CAPN2: variants seen among roughly 807,000 people sequenced by gnomAD.
The protein encoded by CAPN2 is calpain 2, also known as calpain-2 catalytic subunit.
Under a neutral mutation model 102.3 loss-of-function variants are expected in CAPN2, and 92 were observed. The ratio of observed to expected loss-of-function variants is 0.90; its 90% CI spans 0.76 to 1.07. CAPN2 has a LOEUF of 1.07. Ranked by LOEUF, CAPN2 falls within the 50% of genes least tolerant of loss-of-function variation. The probability of loss-of-function intolerance (pLI) is 0.00; values close to 1 mark genes in which losing one functional copy is unlikely to be tolerated. For synonymous variants in CAPN2, 340 were observed against 355.4 expected (o/e 0.96, Z 0.49); for missense variants, 800 against 909.4 (o/e 0.88, Z 1.55).
chr1:223,743,407 C>T (rs980662365), intron 2 of CAPN2, among the ~76,000 whole-genome samples: 1 of 152,162 alleles, frequency 6.6e-6, no homozygotes, highest in Non-Finnish European at 1.5e-5. Context: ...CTCTGACCTT[C>T]CTCCTAGGAG....
At chr1:223,765,735 A>G (rs1661296731) in intron 15 of CAPN2, among the ~76,000 whole-genome samples, 1 of 152,186 alleles carries the variant, frequency 6.6e-6, no homozygotes, top group South Asian at 2.1e-4. Context: ...CCAGAGTGGC[A>G]GCTTTGAGGC....
chr1:223,729,847 G>A (rs1278789964), intron 2 of CAPN2, among the ~76,000 whole-genome samples: 1 of 151,864 alleles, frequency 6.6e-6, no homozygotes, highest in African/African-American at 2.4e-5. Flanking sequence ...TACTAAAAAT[G>A]CAAAAATTAA....
chr1:223,717,846 C>G lies in CAPN2; in HGVS notation c.307+15C>G, dbSNP rs374951874. The G allele has an allele frequency of 1.3e-5, 21 of 1,603,116 alleles. No homozygotes were observed. The African/African-American group carries it at 2.1e-4, about 16-fold the overall frequency. ...AGGAGCCCTGGGTAAGTGATAGATTCAGAGCAAGCTGGGGGATCTTGTCTG... is the reference window on the plus strand; with the variant it reads ...AGGAGCCCTGGGTAAGTGATAGATTGAGAGCAAGCTGGGGGATCTTGTCTG... On this transcript the variant is annotated intron_variant, in intron 2 of 20. Transcript: ENST00000295006.
chr1:223,770,554 C>A, intron 18 of CAPN2, 29 bp downstream of exon 18: 1 of 1,403,118 alleles, frequency 7.1e-7, no homozygotes, highest in African/African-American at 1.4e-5. Context: ...ATTTTCGTTC[C>A]TAGTTTAATC....
At chr1:223,768,474 C>T (rs2102815833) in intron 16 of CAPN2, among the ~76,000 whole-genome samples, 1 of 152,256 alleles carries the variant, frequency 6.6e-6, no homozygotes, top group African/African-American at 2.4e-5. Flanking sequence ...TTGTTTTTCT[C>T]AGGTTTATCA....
intron 2 of CAPN2, among the ~76,000 whole-genome samples, chr1:223,735,395 G>A (rs1391086162): frequency 3.3e-5 from 5 of 152,140 alleles, no homozygotes; most frequent in Admixed American, 1.3e-4. Flanking sequence ...GGGCATGGTG[G>A]TGGGCGCCTG....
Position 223,727,198 on chromosome 1 carries a change from G to A in CAPN2, c.307+9367G>A, listed in dbSNP as rs144282666. Among the ~76,000 whole-genome samples the A allele has an allele frequency of 2.2e-4, 33 of 152,326 alleles. No individual in the cohort carries two copies. Among genetic ancestry groups the A allele is most frequent in the African/African-American group, 5.3e-4 (22 of 41,568 alleles). On this transcript the variant is annotated intron_variant, in intron 2 of 20. Coordinates refer to ENST00000295006, the MANE Select transcript of CAPN2 (RefSeq NM_001748.5). The surrounding 1 kb of genome is among the most constrained non-coding windows in gnomAD (Gnocchi z 4.1). ...TCTTCAGTAGCTTGGTCTGTTTATCGTGTATCTAGCTGTCAGCATGCAAAA... is the reference window on the plus strand; with the variant it reads ...TCTTCAGTAGCTTGGTCTGTTTATCATGTATCTAGCTGTCAGCATGCAAAA...
chr1:223,714,783 A>G (rs1016713541), intron 1 of CAPN2, among the ~76,000 whole-genome samples: 1 of 152,174 alleles, frequency 6.6e-6, no homozygotes, highest in African/African-American at 2.4e-5. Context: ...GCTGGGCACA[A>G]TGCATATGGT....
At chr1:223,707,872 G>A (rs998872175), upstream of CAPN2, among the ~76,000 whole-genome samples, 1 of 152,216 alleles carries the variant, frequency 6.6e-6, no homozygotes, top group Non-Finnish European at 1.5e-5. Context: ...CCACCTGCCT[G>A]GGAGGAGTCA....
chr1:223,752,448 C>G (rs993546926), intron 8 of CAPN2, among the ~76,000 whole-genome samples: 1 of 152,234 alleles, frequency 6.6e-6, no homozygotes, highest in Non-Finnish European at 1.5e-5. Flanking sequence ...ACCCACATGT[C>G]TGTGTGTCTG....
At position 223,758,691 on chromosome 1, in the gene CAPN2, TTTTG is replaced by T. The variant is rs1449282812; in HGVS notation, c.1318-575_1318-572del. 6 of 152,390 alleles carry T rather than the reference TTTTG, an allele frequency of 3.9e-5. 1 individual carries two copies. Among genetic ancestry groups the T allele is most frequent in the South Asian group, 4.1e-4 (2 of 4,868 alleles). 9.4% of individuals were successfully genotyped at this position (152,390 alleles called of 1,614,324 possible). On this transcript the variant is annotated intron_variant, in intron 11 of 20. Transcript: ENST00000295006. ...TGTGTTTTTTGGTAGAAAGTTTGCT[TTTTG>T]TTTTTTTTTTTTTTAAGACAAGGTC...
At chr1:223,717,058 A>G (rs576769530) in intron 1 of CAPN2, among the ~76,000 whole-genome samples, 14 of 152,222 alleles carry the variant, frequency 9.2e-5, no homozygotes, top group Non-Finnish European at 2.1e-4. Context: ...TCCATGAGGT[A>G]AAGCTTTGAG....
At chr1:223,748,564 G>A (rs1245681960) in intron 5 of CAPN2, among the ~76,000 whole-genome samples, 4 of 152,174 alleles carry the variant, frequency 2.6e-5, no homozygotes, top group East Asian at 1.9e-4. Flanking sequence ...GCCAGACCAC[G>A]GAGCATGGGC....
chr1:223,771,841 A>G lies in CAPN2; in HGVS notation c.1936A>G (p.Ile646Val), dbSNP rs146423555. The stretch of plus-strand genomic sequence containing the variant: ...GATGCCCTGTCAACTCCACCAAGTC[A>G]TCGTTGCTCGGTTTGCAGATGACCA... ...FKMPCQLHQV[I>V]VARFADDQLI... Residue 646 changes from isoleucine (I) to valine (V), a missense_variant, in exon 19 of 21, where the codon ATC (isoleucine) becomes GTC (valine). Physicochemically the swap from Ile to Val is conservative, Grantham distance 29 (BLOSUM62 3). Transcript: ENST00000295006. The G allele has an allele frequency of 1.0e-4, 169 of 1,614,076 alleles. No homozygotes were observed. In the African/African-American group the frequency reaches 2.0e-3, roughly 19 times the overall value.
At chr1:223,766,651 C>T (rs1661341077) in intron 16 of CAPN2, among the ~76,000 whole-genome samples, 1 of 152,172 alleles carries the variant, frequency 6.6e-6, no homozygotes, top group South Asian at 2.1e-4. Context: ...TCCCACCTAC[C>T]CTGAAAGGCT....
Position 223,775,477 on chromosome 1 carries a change from TC to T in CAPN2, c.*622del, listed in dbSNP as rs1236950194. 6.6e-6 allele frequency: 1 copy of T among 152,394 alleles called. No individual in the cohort carries two copies. The highest frequency in any genetic ancestry group is 1.5e-5 in the Non-Finnish European group (1 of 68,180). 9.4% of individuals were successfully genotyped at this position (152,394 alleles called of 1,614,324 possible). On this transcript the variant is annotated 3_prime_UTR_variant, in exon 21 of 21. Coordinates refer to ENST00000295006, the MANE Select transcript of CAPN2 (RefSeq NM_001748.5). ...ATTGATTGGTAATAGTAAATCGTTC[TC>T]CTTACAATCAAGTTCTTGACCCTAT...
chr1:223,714,369 A>G (rs1659821653), intron 1 of CAPN2, among the ~76,000 whole-genome samples: 1 of 152,174 alleles, frequency 6.6e-6, no homozygotes, highest in Non-Finnish European at 1.5e-5. Flanking sequence ...CACCTGTTAC[A>G]TGCCAGGCAC....
chr1:223,772,449 C>A, intron 20 of CAPN2: 1 of 534,454 alleles, frequency 1.9e-6, no homozygotes, highest in Non-Finnish European at 3.3e-6. Flanking sequence ...AAAATGCACG[C>A]CTGGCTCCCT....
At chr1:223,744,072 A>T in intron 2 of CAPN2, 28 bp from the exon 3 acceptor site, 1 of 1,478,638 alleles carries the variant, frequency 6.8e-7, no homozygotes, top group Non-Finnish European at 9.5e-7. Context: ...AGACCCTCTG[A>T]TAAGAGCTCC....
Sources: allele counts gnomAD v4.1 joint callset (sites outside exome capture counted in the v4.1 genomes callset), GRCh38; gene constraint gnomAD v4.1.1; non-coding constraint Gnocchi (gnomAD v3.1); transcripts MANE v1.5; gene names NCBI Gene and HGNC (gene_info 2026-07-23, HGNC 2026-07-21).